Variants in WHRN observed in about 807,000 individuals in gnomAD.
The protein encoded by WHRN is CASK-interacting protein CIP98.
Under a neutral mutation model 68.3 loss-of-function variants are expected in WHRN, and 41 were observed. That is an observed-to-expected ratio of 0.60 (90% CI 0.47 to 0.78). The LOEUF (loss-of-function observed/expected upper bound fraction) is 0.78. Among genes scored for constraint, WHRN ranks in the 30% least tolerant of loss-of-function variants. The pLI, the probability that WHRN is intolerant of heterozygous loss-of-function variation, is 0.00. For synonymous variants in WHRN, 560 were observed against 561.3 expected (o/e 1.00, Z 0.03); for missense variants, 1,243 against 1,244.7 (o/e 1.00, Z 0.02).
At chr9:114,447,172 C>T (rs530138390) in intron 3 of WHRN, among the ~76,000 whole-genome samples, 2 of 152,244 alleles carry the variant, frequency 1.3e-5, no homozygotes, top group South Asian at 2.1e-4. Context: ...AAGAGAAGTC[C>T]AGCTCAAGAT....
At chr9:114,478,443 C>T in intron 2 of WHRN, 110 bp downstream of exon 2, 1 of 1,202,106 alleles carries the variant, frequency 8.3e-7, no homozygotes, top group Non-Finnish European at 1.2e-6. Flanking sequence ...GAAGACAGAG[C>T]CTGGACAGAA....
intron 3 of WHRN, among the ~76,000 whole-genome samples, chr9:114,447,226 T>G (rs1023822266): frequency 2.6e-5 from 4 of 152,154 alleles, no homozygotes; most frequent in Non-Finnish European, 4.4e-5. Flanking sequence ...TCACCTGGAC[T>G]GACTGCTCCC....
rs768899339 is a variant in WHRN at position 114,504,536 on chromosome 9, C to T, written c.266G>A (p.Arg89His). ...RVLLDSPVKR[R>H]LLPMLRLVIP... Reference sequence around the variant, plus strand: ...GACCAGACGAAGCATGGGCAGCAGGCGCCGCTTGACCGGACTGTCCAGCAG... The same window carrying T: ...GACCAGACGAAGCATGGGCAGCAGGTGCCGCTTGACCGGACTGTCCAGCAG... The change falls in exon 1 of 12, where the codon CGC (arginine) becomes CAC (histidine). Residue 89 changes from arginine to histidine, a missense_variant. By Grantham distance (29) the Arg-to-His change is conservative. Coordinates refer to ENST00000362057, the MANE Select transcript of WHRN (RefSeq NM_015404.4). The T allele has an allele frequency of 1.9e-6, 3 of 1,610,350 alleles. No homozygotes were observed. In the African/African-American group the frequency reaches 4.0e-5, roughly 21 times the overall value.
At chr9:114,413,129 G>C (rs544104411) in intron 7 of WHRN, among the ~76,000 whole-genome samples, 15 of 152,360 alleles carry the variant, frequency 9.8e-5, no homozygotes, top group Non-Finnish European at 1.3e-4. Flanking sequence ...AGTCACAAAG[G>C]CCTCTGGATA....
At chr9:114,448,095 C>T (rs1048777409) in intron 3 of WHRN, among the ~76,000 whole-genome samples, 1 of 152,172 alleles carries the variant, frequency 6.6e-6, no homozygotes, top group Admixed American at 6.5e-5. Flanking sequence ...CCCCCAGTAC[C>T]TGTGAATGTG....
At chr9:114,466,608 C>A (rs1212523018) in intron 2 of WHRN, among the ~76,000 whole-genome samples, 4 of 152,188 alleles carry the variant, frequency 2.6e-5, no homozygotes, top group East Asian at 1.9e-4. Context: ...CCCCTCACCC[C>A]CTCTTGGTCA....
chr9:114,426,117 A>T (rs1274835404), intron 4 of WHRN, 94 bp downstream of exon 4: 1 of 1,545,752 alleles, frequency 6.5e-7, no homozygotes, highest in Non-Finnish European at 8.8e-7. Context: ...GGCTGAGAGG[A>T]GAGCCAGGGC....
At chr9:114,451,128 G>A (rs1839294212) in intron 3 of WHRN, among the ~76,000 whole-genome samples, 1 of 152,152 alleles carries the variant, frequency 6.6e-6, no homozygotes, top group African/African-American at 2.4e-5. Context: ...CTGCCCTTGG[G>A]AATGGAAAAA....
Position 114,410,365 on chromosome 9 carries a change from T to C in WHRN, c.1627-2347A>G, listed in dbSNP as rs142896868. ...CTGGATAAATGTTTATGAAGCAAACTGATGAATCCATGAATGAATGGCAGG... is the reference window on the plus strand; with the variant it reads ...CTGGATAAATGTTTATGAAGCAAACCGATGAATCCATGAATGAATGGCAGG... On this transcript the variant is annotated intron_variant, in intron 7 of 11. Transcript: ENST00000362057. Among the ~76,000 whole-genome samples, 356 of 152,338 alleles carry C rather than the reference T, an allele frequency of 2.3e-3. 2 individuals are homozygous for C. The highest frequency in any genetic ancestry group is 0.014 in the Middle Eastern group (4 of 294).
chr9:114,433,626 A>T (rs769584710), intron 3 of WHRN, among the ~76,000 whole-genome samples: 1 of 152,242 alleles, frequency 6.6e-6, no homozygotes, highest in African/African-American at 2.4e-5. Flanking sequence ...TAAGCAATAC[A>T]GTTTTAATGA....
chr9:114,496,710 C>A (rs918575430), intron 1 of WHRN, among the ~76,000 whole-genome samples: 6 of 152,168 alleles, frequency 3.9e-5, no homozygotes, highest in Non-Finnish European at 7.3e-5. Context: ...GACTATGGGC[C>A]AGGTTTGGTG....
Position 114,402,871 on chromosome 9 carries a change from C to A in WHRN, c.2607G>T (p.Gly869=). The A allele has an allele frequency of 6.2e-7, 1 of 1,614,018 alleles. No homozygotes were observed. The highest frequency in any genetic ancestry group is 8.5e-7 in the Non-Finnish European group (1 of 1,180,020). Residue 869 remains glycine (G), a synonymous_variant, in exon 12 of 12, where the codon GGG becomes GGT. Coordinates refer to ENST00000362057, the MANE Select transcript of WHRN (RefSeq NM_015404.4). Reference sequence around the variant, plus strand: ...GGTGCTCCTTGCCCCGAAGCGTCAGCCCATTCACTTCCAGAATCACGTGGC... The same window carrying A: ...GGTGCTCCTTGCCCCGAAGCGTCAGACCATTCACTTCCAGAATCACGTGGC... ...KVGHVILEVN[G]LTLRGKEHRE...
At chr9:114,410,084 T>C (rs1222587419) in intron 7 of WHRN, among the ~76,000 whole-genome samples, 2 of 152,152 alleles carry the variant, frequency 1.3e-5, no homozygotes, top group Non-Finnish European at 2.9e-5. Context: ...CACCACACTG[T>C]GGTTCATTCC....
chr9:114,477,753 T>C (rs1402405101), intron 2 of WHRN, among the ~76,000 whole-genome samples: 2 of 152,176 alleles, frequency 1.3e-5, no homozygotes. Flanking sequence ...GTCCTTCCAG[T>C]ACATCCCTGC....
rs774665932 is a variant in WHRN, at chr9:114,426,387, A to G, written c.990T>C (p.Asn330=). The part of the protein sequence containing the change: ...LKVGDQILEV[N]GRSFLNILHD... ...GTAGGATGTTGAGAAAGCTCCGCCC[A>G]TTCACTTCTAGAATCTGGTCCCCAA... Residue 330 remains asparagine (N), a synonymous_variant, in exon 4 of 12, where the codon AAT becomes AAC. Transcript: ENST00000362057. The G allele has an allele frequency of 5.0e-6, 8 of 1,613,380 alleles. No homozygotes were observed. In the Admixed American group the frequency reaches 1.2e-4, roughly 24 times the overall value.
At chr9:114,458,297 T>C (rs1333784080) in intron 3 of WHRN, among the ~76,000 whole-genome samples, 2 of 152,198 alleles carry the variant, frequency 1.3e-5, no homozygotes, top group African/African-American at 4.8e-5. Flanking sequence ...GCTTCCCTTC[T>C]TCAAAACCTG....
chr9:114,497,279 T>C (rs1222606194), intron 1 of WHRN, among the ~76,000 whole-genome samples: 1 of 152,150 alleles, frequency 6.6e-6, no homozygotes, highest in African/African-American at 2.4e-5. Flanking sequence ...AAAAAAATCA[T>C]GACGAAACTG....
intron 2 of WHRN, among the ~76,000 whole-genome samples, chr9:114,468,443 G>C (rs1384410689): frequency 6.6e-6 from 1 of 152,044 alleles, no homozygotes; most frequent in Non-Finnish European, 1.5e-5. Context: ...CACTGCTTGG[G>C]AACAAAAAGC....
intron 3 of WHRN, among the ~76,000 whole-genome samples, chr9:114,448,639 G>GC (rs1219670982): frequency 1.3e-5 from 2 of 152,104 alleles, no homozygotes; most frequent in Non-Finnish European, 2.9e-5. Context: ...CCCCTGGAAA[G>GC]CCCCCCTAAG....
Sources: gnomAD v4.1 joint callset for allele counts (sites outside exome capture counted in the v4.1 genomes callset) on GRCh38, gnomAD v4.1.1 for gene constraint, MANE v1.5 for transcripts, NCBI Gene and HGNC (gene_info 2026-07-23, HGNC 2026-07-21) for gene names.